DHX16: variants seen among roughly 807,000 people sequenced by gnomAD.
DHX16 encodes DEAH-box helicase 16, also known as pre-mRNA-splicing factor ATP-dependent RNA helicase DHX16.
Under a neutral mutation model 131.2 loss-of-function variants are expected in DHX16, and 81 were observed. The observed-to-expected ratio is 0.62, with a 90% CI of 0.52 to 0.74. The LOEUF (loss-of-function observed/expected upper bound fraction) is 0.74. Among genes scored for constraint, DHX16 ranks in the 30% least tolerant of loss-of-function variants. DHX16 has a pLI of 0.00. For synonymous variants in DHX16, 440 were observed against 520.2 expected (o/e 0.85, Z 2.10); for missense variants, 980 against 1,363.1 (o/e 0.72, Z 4.43).
rs1768938979 is a variant in DHX16, at chr6:30,665,344, T to C, written c.922-70A>G. 5 of 1,589,954 alleles carry C rather than the reference T, an allele frequency of 3.1e-6. No homozygotes were observed. In the East Asian group the frequency reaches 9.0e-5, roughly 29 times the overall value. ...TCTCTGCCCTCTCCCCTCTTCCCAT[T>C]ACTACCCCCGCCCACTGCCCATTGG... On this transcript the variant is annotated intron_variant, in intron 5 of 19. Transcript: ENST00000376442. The surrounding 1 kb of genome is among the most constrained non-coding windows in gnomAD (Gnocchi z 4.8).
intron 16 of DHX16, among the ~76,000 whole-genome samples, 161 bp from the exon 17 acceptor site, chr6:30,655,758 T>C (rs1767925371): frequency 1.3e-5 from 2 of 152,158 alleles, no homozygotes; most frequent in South Asian, 2.1e-4. Context: ...TGGCAGCAGC[T>C]TGGGGGTCAA....
In DHX16 at chr6:30,670,451, G is replaced by C. The variant is rs1290599575; in HGVS notation, c.625C>G (p.Gln209Glu). The change falls in exon 4 of 20, where the codon CAG (glutamine) becomes GAG (glutamate). Residue 209 changes from glutamine (Q) to glutamate (E), a missense_variant. Physicochemically the swap from Gln to Glu is conservative, Grantham distance 29. Coordinates refer to ENST00000376442, the MANE Select transcript of DHX16 (RefSeq NM_003587.5). The surrounding 1 kb of genome is among the most constrained non-coding windows in gnomAD (Gnocchi z 4.4). ...TCCTCGGCCATCTTGAGGCGCTTCT[G>C]AGCCTCTTCATAAGCCTAGAAGAAA... ...RSDKKAYEEA[Q>E]KRLKMAEEDR... is the part of the protein sequence containing the mutation. 6.2e-7 allele frequency: 1 copy of C among 1,611,264 alleles called. No individual in the cohort carries two copies. Among genetic ancestry groups the C allele is most frequent in the African/African-American group, 1.3e-5 (1 of 74,900 alleles).
intron 10 of DHX16, 93 bp downstream of exon 10, chr6:30,659,939 C>A: frequency 6.4e-7 from 1 of 1,553,460 alleles, no homozygotes; most frequent in African/African-American, 1.4e-5. Flanking sequence ...CCCTTTGAAC[C>A]TTCCATTCCA....
At position 30,662,662 on chromosome 6, in the gene DHX16, C is replaced by G; in HGVS notation, c.1509G>C (p.Arg503=). ...LRYMTDGMLL[R]EFLSEPDLAS... ...CCAGGTCAGGCTCAGAGAGGAACTC[C>G]CGGAGAAGCATCCCATCTGTCATGT... The change falls in exon 9 of 20, where the codon CGG becomes CGC. Residue 503 remains arginine (R), a synonymous_variant. Coordinates refer to ENST00000376442, the MANE Select transcript of DHX16 (RefSeq NM_003587.5). The surrounding 1 kb of genome is among the most constrained non-coding windows in gnomAD (Gnocchi z 4.7). The G allele has an allele frequency of 6.2e-7, 1 of 1,613,086 alleles. No individual in the cohort carries two copies. The highest frequency in any genetic ancestry group is 8.5e-7 in the Non-Finnish European group (1 of 1,180,028).
intron 12 of DHX16, among the ~76,000 whole-genome samples, chr6:30,658,102 C>T (rs368941060): frequency 1.9e-4 from 29 of 152,210 alleles, no homozygotes; most frequent in African/African-American, 6.5e-4. Flanking sequence ...GACTGCTACT[C>T]AGCTGTCTAA....
intron 16 of DHX16, 49 bp from the exon 17 acceptor site, chr6:30,655,646 C>T: frequency 6.2e-7 from 1 of 1,601,970 alleles, no homozygotes; most frequent in South Asian, 1.1e-5. Context: ...CACATAGGAA[C>T]AGATATGGTG....
At position 30,662,647 on chromosome 6, in the gene DHX16, C is replaced by T. The variant is rs144184204; in HGVS notation, c.1524G>A (p.Glu508=). The T allele has an allele frequency of 3.9e-5, 63 of 1,612,956 alleles. No individual in the cohort carries two copies. In the African/African-American group the frequency reaches 7.2e-4, roughly 18 times the overall value. Residue 508 remains glutamate (E), a synonymous_variant, in exon 9 of 20, where the codon GAG becomes GAA. Transcript: ENST00000376442. This position sits in a 1 kb window ranked among gnomAD's most constrained non-coding sequence, Gnocchi z 4.7. ...GATACCTGTAACTCGCCAGGTCAGG[C>T]TCAGAGAGGAACTCCCGGAGAAGCA... ...DGMLLREFLS[E]PDLASYSVVM...
rs1214749991 is a variant in DHX16 at position 30,654,719 on chromosome 6, T to C, written c.2984A>G (p.Glu995Gly). Reference sequence around the variant, plus strand: ...TGTTCTCCTCACCTGTCTCATGAACTCTTTGGTGGTCAAGACAAGTTCGTG... The same window carrying C: ...TGTTCTCCTCACCTGTCTCATGAACCCTTTGGTGGTCAAGACAAGTTCGTG... ...LYHELVLTTKEFMRQVLEIES... is the reference protein window; with the variant it reads ...LYHELVLTTKGFMRQVLEIES... Residue 995 changes from glutamate to glycine, a missense_variant, in exon 19 of 20, where the codon GAG (glutamate) becomes GGG (glycine). Physicochemically the swap from Glu to Gly is moderately conservative, Grantham distance 98 (BLOSUM62 -2). This residue lies in a region of DHX16 where 214 missense variants were observed against 271.2 expected (regional missense o/e 0.79). Coordinates refer to ENST00000376442, the MANE Select transcript of DHX16 (RefSeq NM_003587.5). 1.9e-6 allele frequency: 3 copies of C among 1,612,490 alleles called. No homozygotes were observed. In the Admixed American group the frequency reaches 5.0e-5, roughly 27 times the overall value.
Position 30,670,421 on chromosome 6 carries a change from G to T in DHX16, c.655C>A (p.Arg219=). The T allele has an allele frequency of 3.1e-6, 5 of 1,610,528 alleles. No homozygotes were observed. The highest frequency in any genetic ancestry group is 4.2e-6 in the Non-Finnish European group (5 of 1,178,724). ...GCCCTGGGACTCACCATGGCCTTCCGGTCTTCCTCGGCCATCTTGAGGCGC... is the reference window on the plus strand; with the variant it reads ...GCCCTGGGACTCACCATGGCCTTCCTGTCTTCCTCGGCCATCTTGAGGCGC... ...QKRLKMAEED[R]KAMVPELRKK... The change falls in exon 4 of 20, where the codon CGG becomes AGG. Residue 219 remains arginine, a synonymous_variant. Coordinates refer to ENST00000376442, the MANE Select transcript of DHX16 (RefSeq NM_003587.5). This position sits in a 1 kb window ranked among gnomAD's most constrained non-coding sequence, Gnocchi z 4.4.
chr6:30,657,962 G>A (rs1241425436), intron 12 of DHX16, among the ~76,000 whole-genome samples: 1 of 152,200 alleles, frequency 6.6e-6, no homozygotes, highest in African/African-American at 2.4e-5. Flanking sequence ...TAGACCACAA[G>A]TGCAAGTTTG....
intron 12 of DHX16, 108 bp from the exon 13 acceptor site, chr6:30,657,200 A>G: frequency 8.6e-7 from 1 of 1,159,456 alleles, no homozygotes; most frequent in East Asian, 2.5e-5. Context: ...AAGGGGCAGG[A>G]GCTGAGGGAA....
At position 30,670,155 on chromosome 6, in the gene DHX16, AT is replaced by A. The variant is rs1452077552; in HGVS notation, c.666+254del. ...ACAATTTCATTCACTAATAGAGTAT[AT>A]TTGATCCTAAAGTTAAGAGTCAAGG... On this transcript the variant is annotated intron_variant, in intron 4 of 19. Coordinates refer to ENST00000376442, the MANE Select transcript of DHX16 (RefSeq NM_003587.5). This position sits in a 1 kb window ranked among gnomAD's most constrained non-coding sequence, Gnocchi z 4.4. Among the ~76,000 whole-genome samples the A allele has an allele frequency of 1.3e-5, 2 of 152,154 alleles. No individual in the cohort carries two copies. Among genetic ancestry groups the A allele is most frequent in the Non-Finnish European group, 2.9e-5 (2 of 68,036 alleles).
chr6:30,655,195 C>T lies in DHX16; in HGVS notation c.2803G>A (p.Asp935Asn), dbSNP rs1369462385. The T allele has an allele frequency of 4.3e-6, 7 of 1,614,110 alleles. No individual in the cohort carries two copies. The highest frequency in any genetic ancestry group is 5.9e-6 in the Non-Finnish European group (7 of 1,180,024). Reference protein sequence around the residue: ...VEVGLSSCQGDYIRVRKAITA... With the variant: ...VEVGLSSCQGNYIRVRKAITA... ...CTGACCTTGCGTACACGGATATAGTCCCCCTGGCAGGAACTGAGACCAACT... is the reference window on the plus strand; with the variant it reads ...CTGACCTTGCGTACACGGATATAGTTCCCCTGGCAGGAACTGAGACCAACT... Residue 935 changes from aspartate (D) to asparagine (N), a missense_variant, in exon 18 of 20, where the codon GAC becomes AAC. Asp to Asn is a conservative substitution (Grantham distance 23). Coordinates refer to ENST00000376442, the MANE Select transcript of DHX16 (RefSeq NM_003587.5).
At position 30,660,125 on chromosome 6, in the gene DHX16, T is replaced by C. The variant is rs1279395580; in HGVS notation, c.1662A>G (p.Thr554=). The change falls in exon 10 of 20, where the codon ACA becomes ACG. Residue 554 remains threonine (T), a synonymous_variant. Transcript: ENST00000376442. Reference sequence around the variant, plus strand: ...AGGTGGAAAAACGGGCAGTGTCCATTGTGGCTGAAGCCACCAGGACCTTGA... The same window carrying C: ...AGGTGGAAAAACGGGCAGTGTCCATCGTGGCTGAAGCCACCAGGACCTTGA... ...PELKVLVASA[T]MDTARFSTFF... 4 of 1,611,910 alleles carry C rather than the reference T, an allele frequency of 2.5e-6. No individual in the cohort carries two copies. The highest frequency in any genetic ancestry group is 3.4e-6 in the Non-Finnish European group (4 of 1,179,498).
At position 30,665,197 on chromosome 6, in the gene DHX16, C is replaced by T. The variant is rs768175090; in HGVS notation, c.999G>A (p.Arg333=). 29 of 1,610,072 alleles carry T rather than the reference C, an allele frequency of 1.8e-5. No individual in the cohort carries two copies. Among genetic ancestry groups the T allele is most frequent in the Non-Finnish European group, 2.4e-5 (28 of 1,179,834 alleles). ...CAAACTTCAGGGACGCTGCCCCAAG[C>T]CGCGCCTCCTCCCAGCGCCGCTGCT... is the stretch of plus-strand genomic sequence containing the variant. ...GEEQRRWEEA[R]LGAASLKFGA... The change falls in exon 6 of 20, where the codon CGG becomes CGA. Residue 333 remains arginine, a synonymous_variant. Transcript: ENST00000376442. The surrounding 1 kb of genome is among the most constrained non-coding windows in gnomAD (Gnocchi z 4.8).
intron 16 of DHX16, 124 bp from the exon 17 acceptor site, chr6:30,655,721 G>A: frequency 9.0e-7 from 1 of 1,106,302 alleles, no homozygotes; most frequent in South Asian, 1.5e-5. Context: ...TGGCATAATG[G>A]CTACAAAGCA....
intron 12 of DHX16, among the ~76,000 whole-genome samples, chr6:30,657,949 C>T (rs1237059196): frequency 2.6e-5 from 4 of 152,222 alleles, no homozygotes; most frequent in African/African-American, 4.8e-5. Flanking sequence ...ACTGCTTCCC[C>T]GATAGACCAC....
At position 30,656,050 on chromosome 6, in the gene DHX16, A is replaced by G. The variant is rs950459768; in HGVS notation, c.2498+148T>C. ...CAAGTGTCTTACCCTTGTGGGCCTC[A>G]AAAGGGGGCAATCAGAGTTATCTAA... On this transcript the variant is annotated intron_variant, in intron 16 of 19. Coordinates refer to ENST00000376442, the MANE Select transcript of DHX16 (RefSeq NM_003587.5). This position sits in a 1 kb window ranked among gnomAD's most constrained non-coding sequence, Gnocchi z 5.1. 1.2e-5 allele frequency: 10 copies of G among 804,118 alleles called. No homozygotes were observed. In the Admixed American group the frequency reaches 1.7e-4, roughly 13 times the overall value. The allele number at this position is 804,118 out of a possible 1,614,324, so 49.8% of individuals were successfully genotyped here.
chr6:30,655,146 G>A (rs1269748706), intron 18 of DHX16, 29 bp downstream of exon 18: 26 of 1,613,604 alleles, frequency 1.6e-5, no homozygotes, highest in Non-Finnish European at 2.2e-5. Flanking sequence ...TACTGGGGGT[G>A]GAAAGCAGGA....
Sources: allele counts gnomAD v4.1 joint callset (sites outside exome capture counted in the v4.1 genomes callset), GRCh38; gene constraint gnomAD v4.1.1; regional missense constraint gnomAD v4.1.1; non-coding constraint Gnocchi (gnomAD v3.1); transcripts MANE v1.5; gene names NCBI Gene and HGNC (gene_info 2026-07-23, HGNC 2026-07-21).